The following SLC38A10 variants were observed in gnomAD, a reference collection of about 807,000 sequenced individuals.
SLC38A10 encodes Sodium-coupled neutral amino acid transporter 10.
Under a neutral mutation model 81.0 loss-of-function variants are expected in SLC38A10, and 53 were observed. The observed-to-expected ratio is 0.65, with a 90% confidence interval of 0.53 to 0.82. The LOEUF (loss-of-function observed/expected upper bound fraction) is 0.82. SLC38A10 is among the 40% of genes least tolerant of loss of function. The pLI is 0.00. For missense variants in SLC38A10, 1,471 were observed against 1,545.0 expected, an observed-to-expected ratio of 0.95 and a Z score of 0.80; for synonymous variants, 665 against 655.3, an observed-to-expected ratio of 1.01 and a Z score of -0.23.
At chr17:81,282,385 G>A (rs1031047921) in intron 4 of SLC38A10, 53 bp from the exon 5 acceptor site, 47 of 1,560,086 alleles carry the variant, frequency 3.0e-5, no homozygotes, top group Middle Eastern at 1.8e-4. Flanking sequence ...GCTCACCACC[G>A]GGCTCTCTGC....
chr17:81,257,326 C>T lies in SLC38A10; in HGVS notation c.1288+2912G>A, dbSNP rs558657243. On this transcript the variant is annotated intron_variant, in intron 11 of 15. Coordinates refer to ENST00000374759, the MANE Select transcript of SLC38A10 (RefSeq NM_001037984.3). ...GGCTGGGCTGGTCTCAAACTCCTGA[C>T]CTCAGGTGATCCTCCTGCCCTGGCC... 2.0e-5 allele frequency among the ~76,000 whole-genome samples: 3 copies of T among 152,304 alleles called. No individual in the cohort carries two copies. The East Asian group carries it at 5.8e-4, about 29-fold the overall frequency.
At chr17:81,274,460 G>A (rs2063143720) in intron 8 of SLC38A10, among the ~76,000 whole-genome samples, 2 of 152,204 alleles carry the variant, frequency 1.3e-5, no homozygotes, top group South Asian at 2.1e-4. Context: ...CACTCAACCC[G>A]CCTTGGCTGA....
At chr17:81,252,987 G>T in intron 12 of SLC38A10, 86 bp downstream of exon 12, 1 of 1,514,556 alleles carries the variant, frequency 6.6e-7, no homozygotes, top group Non-Finnish European at 9.0e-7. Flanking sequence ...ACACAGCCCT[G>T]AGAGCCACCC....
rs2063174514 is a variant in SLC38A10, at chr17:81,277,704, G to C, written c.627-571C>G. Among the ~76,000 whole-genome samples, 1 of 152,184 alleles carries C rather than the reference G, an allele frequency of 6.6e-6. No individual in the cohort carries two copies. The highest frequency in any genetic ancestry group is 6.5e-5 in the Admixed American group (1 of 15,280). ...AGTGTGGTGCTGCTAGGGGTGGGAG[G>C]GACCCAAGCCACCAGCCAGGCAAGG... On this transcript the variant is annotated intron_variant, in intron 6 of 15. Transcript: ENST00000374759. This position sits in a 1 kb window ranked among gnomAD's most constrained non-coding sequence, Gnocchi z 4.5.
Position 81,283,515 on chromosome 17 carries a change from G to C in SLC38A10, c.264-13C>G. The stretch of plus-strand genomic sequence containing the variant: ...CAGCCCGATCATGCTGCACAGGGAC[G>C]GGGGGTACGGGAAATGCCATCAGGG... On this transcript the variant is annotated splice_polypyrimidine_tract_variant and intron_variant, in intron 3 of 15. Coordinates refer to ENST00000374759, the MANE Select transcript of SLC38A10 (RefSeq NM_001037984.3). The surrounding 1 kb of genome is among the most constrained non-coding windows in gnomAD (Gnocchi z 4.7). The C allele has an allele frequency of 6.3e-7, 1 of 1,597,276 alleles. No individual in the cohort carries two copies. Among genetic ancestry groups the C allele is most frequent in the Non-Finnish European group, 8.5e-7 (1 of 1,171,134 alleles).
rs75685387 is a variant in SLC38A10, at chr17:81,275,817, C to T, written c.912+152G>A. 396 of 824,852 alleles carry T rather than the reference C, an allele frequency of 4.8e-4. 1 individual carries two copies. The East Asian group carries it at 0.01, about 21-fold the overall frequency. The allele number at this position is 824,852 out of a possible 1,614,324, so 51.1% of individuals were successfully genotyped here. Reference sequence around the variant, plus strand: ...CAGCTCCTGCCCATCAATCTGGTTCCTCTAGGCTCCCCCAACTTCCGCCCT... The same window carrying T: ...CAGCTCCTGCCCATCAATCTGGTTCTTCTAGGCTCCCCCAACTTCCGCCCT... On this transcript the variant is annotated intron_variant, in intron 8 of 15. Coordinates refer to ENST00000374759, the MANE Select transcript of SLC38A10 (RefSeq NM_001037984.3).
In SLC38A10 at chr17:81,253,095, T is replaced by C; in HGVS notation, c.1434A>G (p.Ala478=). 6.2e-7 allele frequency: 1 copy of C among 1,613,606 alleles called. No individual in the cohort carries two copies. Among genetic ancestry groups the C allele is most frequent in the African/African-American group, 1.3e-5 (1 of 75,046 alleles). The change falls in exon 12 of 16, where the codon GCA becomes GCG. Residue 478 remains alanine, a synonymous_variant. Coordinates refer to ENST00000374759, the MANE Select transcript of SLC38A10 (RefSeq NM_001037984.3). The surrounding 1 kb of genome is among the most constrained non-coding windows in gnomAD (Gnocchi z 4.1). The part of the protein sequence containing the change: ...REDGKEAPEE[A]QLDRPGQGIA... ...CACCTTGCCCAGGGCGATCGAGCTG[T>C]GCCTCCTCCGGTGCCTCCTTGCCAT...
Position 81,276,935 on chromosome 17 carries a change from C to A in SLC38A10, c.729+96G>T. 1 of 1,267,782 alleles carries A rather than the reference C, an allele frequency of 7.9e-7. No individual in the cohort carries two copies. The highest frequency in any genetic ancestry group is 1.1e-6 in the Non-Finnish European group (1 of 874,654). 78.5% of individuals were successfully genotyped at this position (1,267,782 alleles called of 1,614,324 possible). A position where few individuals can be genotyped will look rare whatever the true frequency, so the allele number is the denominator to read the frequency against. On this transcript the variant is annotated intron_variant, in intron 7 of 15. Transcript: ENST00000374759. The surrounding 1 kb of genome is among the most constrained non-coding windows in gnomAD (Gnocchi z 4.7). ...ACAGAGAGAAAAACCCAGCAGCACA[C>A]AGGGCCAGGGCCATGCCTGTGGCAG... is the stretch of plus-strand genomic sequence containing the variant.
intron 11 of SLC38A10, among the ~76,000 whole-genome samples, chr17:81,255,503 C>T (rs929529535): frequency 1.3e-5 from 2 of 152,238 alleles, no homozygotes; most frequent in Admixed American, 6.5e-5. Flanking sequence ...GGAGTGCCCC[C>T]GCCAGCTCAC....
chr17:81,266,883 C>A lies in SLC38A10; in HGVS notation c.1131+4035G>T, dbSNP rs1347918448. On this transcript the variant is annotated intron_variant, in intron 10 of 15. Coordinates refer to ENST00000374759, the MANE Select transcript of SLC38A10 (RefSeq NM_001037984.3). The stretch of plus-strand genomic sequence containing the variant: ...CCCAGTTAGACCAAAAAATAAAAAG[C>A]AGGACTAATTTTTTGTTAGAGTCAG... 3.3e-5 allele frequency among the ~76,000 whole-genome samples: 5 copies of A among 152,334 alleles called. No homozygotes were observed. In the East Asian group the frequency reaches 7.7e-4, roughly 23 times the overall value.
rs1381999233 is a variant in SLC38A10 at position 81,245,810 on chromosome 17, T to C, written c.3106A>G (p.Lys1036Glu). ...VPGGQRPDNA[K>E]PNRDLKLQAG... The stretch of plus-strand genomic sequence containing the variant: ...TGCAGTTTCAGGTCCCGGTTGGGCT[T>C]GGCATTGTCCGGCCTCTGGCCCCCC... Residue 1036 changes from lysine (K) to glutamate (E), a missense_variant, in exon 16 of 16, where the codon AAG becomes GAG. Lys to Glu is a moderately conservative substitution (Grantham distance 56). Around this residue, in one of 2 missense-constraint regions of SLC38A10, gnomAD observed 751 missense variants for 717.4 expected, o/e 1.05. Transcript: ENST00000374759. The C allele has an allele frequency of 1.2e-6, 2 of 1,608,454 alleles. No homozygotes were observed. The highest frequency in any genetic ancestry group is 1.3e-5 in the African/African-American group (1 of 74,842).
In SLC38A10 at chr17:81,286,824, C is replaced by T. The variant is rs892644869; in HGVS notation, c.218-1929G>A. 1.3e-5 allele frequency among the ~76,000 whole-genome samples: 2 copies of T among 152,230 alleles called. No individual in the cohort carries two copies. Among genetic ancestry groups the T allele is most frequent in the African/African-American group, 4.8e-5 (2 of 41,452 alleles). On this transcript the variant is annotated intron_variant, in intron 2 of 15. Coordinates refer to ENST00000374759, the MANE Select transcript of SLC38A10 (RefSeq NM_001037984.3). The surrounding 1 kb of genome is among the most constrained non-coding windows in gnomAD (Gnocchi z 6.0). ...TGACACCGCTGCTCACAACCGAGAA[C>T]TCAGAGGCCGCGTGGGGGCCAAACA...
Position 81,245,684 on chromosome 17 carries a change from G to T in SLC38A10, c.3232C>A (p.Pro1078Thr), listed in dbSNP as rs756594438. Reference protein sequence around the residue: ...DGVIIGLNPLPDVQVNDLRGA... With the variant: ...DGVIIGLNPLTDVQVNDLRGA... ...CGGAGGTCGTTCACCTGGACATCAG[G>T]CAGGGGGTTAAGGCCAATGATGACC... is the stretch of plus-strand genomic sequence containing the variant. The change falls in exon 16 of 16, where the codon CCT becomes ACT. Residue 1078 changes from proline (P) to threonine (T), a missense_variant. By Grantham distance (38) the Pro-to-Thr change is conservative. Coordinates refer to ENST00000374759, the MANE Select transcript of SLC38A10 (RefSeq NM_001037984.3). The T allele has an allele frequency of 6.2e-6, 10 of 1,600,234 alleles. No individual in the cohort carries two copies. The highest frequency in any genetic ancestry group is 7.7e-6 in the Non-Finnish European group (9 of 1,174,012).
rs755408679 is a variant in SLC38A10 at position 81,272,594 on chromosome 17, T to C, written c.946A>G (p.Met316Val). The change falls in exon 9 of 16, where the codon ATG becomes GTG. Residue 316 changes from methionine (M) to valine (V), a missense_variant. Physicochemically the swap from Met to Val is conservative, Grantham distance 21. Around this residue, in one of 2 missense-constraint regions of SLC38A10, gnomAD observed 720 missense variants for 827.7 expected, o/e 0.87. Coordinates refer to ENST00000374759, the MANE Select transcript of SLC38A10 (RefSeq NM_001037984.3). ...AGTGCTTTAAACCGGAGAGGGGGCA[T>C]GTAGCCCCCTGCTGCAAAGGTGCCA... ...KDGTFAAGGYMPPLRFKALTL... is the reference protein window; with the variant it reads ...KDGTFAAGGYVPPLRFKALTL... 5.7e-6 allele frequency: 9 copies of C among 1,567,822 alleles called. No homozygotes were observed. Among genetic ancestry groups the C allele is most frequent in the East Asian group, 2.4e-5 (1 of 41,568 alleles).
chr17:81,289,166 G>A lies in SLC38A10; in HGVS notation c.217+525C>T, dbSNP rs747402043. Among the ~76,000 whole-genome samples, 2 of 151,912 alleles carry A rather than the reference G, an allele frequency of 1.3e-5. No homozygotes were observed. The highest frequency in any genetic ancestry group is 2.9e-5 in the Non-Finnish European group (2 of 67,988). On this transcript the variant is annotated intron_variant, in intron 2 of 15. Transcript: ENST00000374759. The surrounding 1 kb of genome is among the most constrained non-coding windows in gnomAD (Gnocchi z 5.9). ...AGAGATTCTCTGGCCTCAGCCTCCT[G>A]AGTAGCTAGGATTACAGATGCCTGC...
intron 11 of SLC38A10, among the ~76,000 whole-genome samples, chr17:81,254,496 G>A (rs995558707): frequency 6.6e-6 from 1 of 152,178 alleles, no homozygotes; most frequent in African/African-American, 2.4e-5. Context: ...CGCCCAGGCT[G>A]GAGTGCAGTG....
At position 81,245,845 on chromosome 17, in the gene SLC38A10, C is replaced by T. The variant is rs114255505; in HGVS notation, c.3071G>A (p.Arg1024Gln). ...QRPEPELGLK[R>Q]AVPGGQRPDN... is the part of the protein sequence containing the mutation. The stretch of plus-strand genomic sequence containing the variant: ...CGGCCTCTGGCCCCCCGGGACAGCT[C>T]GTTTGAGCCCCAGCTCTGGCTCTGG... The change falls in exon 16 of 16, where the codon CGA becomes CAA. Residue 1024 changes from arginine (R) to glutamine (Q), a missense_variant. By Grantham distance (43) the Arg-to-Gln change is conservative. Transcript: ENST00000374759. 27 of 1,611,958 alleles carry T rather than the reference C, an allele frequency of 1.7e-5. No individual in the cohort carries two copies. Among genetic ancestry groups the T allele is most frequent in the East Asian group, 6.7e-5 (3 of 44,880 alleles).
chr17:81,259,910 A>T (rs954028499), intron 11 of SLC38A10, among the ~76,000 whole-genome samples: 1 of 152,234 alleles, frequency 6.6e-6, no homozygotes, highest in Non-Finnish European at 1.5e-5. Context: ...CCTCAAATGA[A>T]TAACAGCACG....
At chr17:81,251,390 C>G in intron 14 of SLC38A10, 103 bp downstream of exon 14, 1 of 1,612,232 alleles carries the variant, frequency 6.2e-7, no homozygotes, top group Non-Finnish European at 8.5e-7. Flanking sequence ...GAAGGGGGGC[C>G]TGGCAGGGCT....
Sources: allele counts gnomAD v4.1 joint callset (sites outside exome capture counted in the v4.1 genomes callset), GRCh38; gene constraint gnomAD v4.1.1; regional missense constraint gnomAD v4.1.1; non-coding constraint Gnocchi (gnomAD v3.1); transcripts MANE v1.5; gene names NCBI Gene and HGNC (gene_info 2026-07-23, HGNC 2026-07-21).